Variants in NUP153 observed in about 807,000 individuals in gnomAD.
NUP153 encodes the protein nucleoporin 153.
A neutral mutation model predicts 134.6 loss-of-function variants in NUP153; 27 were observed. That is an observed-to-expected ratio of 0.20 (90% CI 0.15 to 0.28). The LOEUF (loss-of-function observed/expected upper bound fraction) is 0.28. Among genes scored for constraint, NUP153 ranks in the 10% least tolerant of loss-of-function variants. NUP153 has a pLI of 1.00. For missense variants in NUP153, 1,821 were observed against 1,731.3 expected (o/e 1.05, Z -0.92); for synonymous variants, 640 against 623.5 (o/e 1.03, Z -0.40).
At chr6:17,620,307 TG>T (rs747019985) in intron 20 of NUP153, among the ~76,000 whole-genome samples, 1 of 152,030 alleles carries the variant, frequency 6.6e-6, no homozygotes, top group Non-Finnish European at 1.5e-5. Context: ...CATAGACCAA[TG>T]GAATAGAATA....
intron 11 of NUP153, among the ~76,000 whole-genome samples, chr6:17,659,076 T>G (rs1424351849): frequency 6.6e-6 from 1 of 152,216 alleles, no homozygotes; most frequent in Non-Finnish European, 1.5e-5. Flanking sequence ...AATGGCACAC[T>G]GCACAACCAA....
At chr6:17,616,320 T>A in intron 21 of NUP153, 139 bp from the exon 22 acceptor site, 1 of 659,922 alleles carries the variant, frequency 1.5e-6, no homozygotes, top group Non-Finnish European at 2.6e-6. Context: ...ATACATTTTC[T>A]GCTACACCTA....
At chr6:17,637,107 C>A in intron 16 of NUP153, 46 bp downstream of exon 16, 2 of 1,536,074 alleles carry the variant, frequency 1.3e-6, no homozygotes, top group South Asian at 2.5e-5. Context: ...TTAAACTGTT[C>A]AACAGAAGTA....
At chr6:17,662,180 TTTAG>T (rs563744964) in intron 9 of NUP153, 110 bp from the exon 10 acceptor site, 23 of 971,772 alleles carry the variant, frequency 2.4e-5, no homozygotes, top group Non-Finnish European at 3.3e-5. Context: ...TTGATGGCTT[TTTAG>T]TTAATGAATC....
intron 5 of NUP153, among the ~76,000 whole-genome samples, chr6:17,671,999 T>G (rs1421323325): frequency 6.6e-6 from 1 of 151,402 alleles, no homozygotes; most frequent in Non-Finnish European, 1.5e-5. Flanking sequence ...CAGAGCAAGA[T>G]CCCATCTAAA....
chr6:17,675,794 A>G lies in NUP153; in HGVS notation c.335-24T>C, dbSNP rs1332596524. The G allele has an allele frequency of 6.2e-7, 1 of 1,605,056 alleles. No individual in the cohort carries two copies. Among genetic ancestry groups the G allele is most frequent in the Non-Finnish European group, 8.5e-7 (1 of 1,171,706 alleles). On this transcript the variant is annotated intron_variant, in intron 2 of 21. Coordinates refer to ENST00000262077, the MANE Select transcript of NUP153 (RefSeq NM_005124.4). The surrounding 1 kb of genome is among the most constrained non-coding windows in gnomAD (Gnocchi z 4.4). Reference sequence around the variant, plus strand: ...TTCTTAAAAGAAAAGCATTAATATTATGAATATACAACTTAGAGCGATACA... The same window carrying G: ...TTCTTAAAAGAAAAGCATTAATATTGTGAATATACAACTTAGAGCGATACA...
chr6:17,615,340 TAAAC>T lies in NUP153; in HGVS notation c.*753_*756del, dbSNP rs1244626153. ...TACATAATAAAATCTGAGACAAGAC[TAAAC>T]AAACAACAAAAAAATCTCTAACACA... On this transcript the variant is annotated 3_prime_UTR_variant, in exon 22 of 22. Coordinates refer to ENST00000262077, the MANE Select transcript of NUP153 (RefSeq NM_005124.4). This position sits in a 1 kb window ranked among gnomAD's most constrained non-coding sequence, Gnocchi z 5.7. 6.6e-5 allele frequency: 10 copies of T among 152,358 alleles called. No individual in the cohort carries two copies. Among genetic ancestry groups the T allele is most frequent in the Admixed American group, 1.3e-4 (2 of 15,250 alleles). 9.4% of individuals were successfully genotyped at this position (152,358 alleles called of 1,614,324 possible). A position where few individuals can be genotyped will look rare whatever the true frequency, so the allele number is the denominator to read the frequency against.
Position 17,616,036 on chromosome 6 carries a change from C to A in NUP153, c.*61G>T. ...AGATAACCCCAGCACAAAGTACAAT[C>A]CAGTATCTGAAAGCAGGGCACCAGC... On this transcript the variant is annotated 3_prime_UTR_variant, in exon 22 of 22. Coordinates refer to ENST00000262077, the MANE Select transcript of NUP153 (RefSeq NM_005124.4). 1 of 1,180,630 alleles carries A rather than the reference C, an allele frequency of 8.5e-7. No homozygotes were observed. The highest frequency in any genetic ancestry group is 1.2e-5 in the South Asian group (1 of 81,980). 73.1% of individuals were successfully genotyped at this position (1,180,630 alleles called of 1,614,324 possible).
rs1767812007 is a variant in NUP153 at position 17,670,155 on chromosome 6, C to G, written c.853-609G>C. On this transcript the variant is annotated intron_variant, in intron 5 of 21. Coordinates refer to ENST00000262077, the MANE Select transcript of NUP153 (RefSeq NM_005124.4). ...GCTAGCTTAAGCTTTAGAAAAAGCT[C>G]TCTACATACTTACACCATTCTGTTA... is the stretch of plus-strand genomic sequence containing the variant. 2.0e-5 allele frequency among the ~76,000 whole-genome samples: 3 copies of G among 149,704 alleles called. No individual in the cohort carries two copies. In the South Asian group the frequency reaches 6.4e-4, roughly 32 times the overall value.
intron 5 of NUP153, among the ~76,000 whole-genome samples, chr6:17,673,309 G>A (rs1206510626): frequency 6.6e-5 from 10 of 151,950 alleles, no homozygotes; most frequent in South Asian, 4.1e-4. Flanking sequence ...TGGAGGGTGC[G>A]CCACTGCACT....
intron 20 of NUP153, among the ~76,000 whole-genome samples, chr6:17,622,772 T>C (rs767578345): frequency 6.6e-6 from 1 of 152,156 alleles, no homozygotes; most frequent in Non-Finnish European, 1.5e-5. Flanking sequence ...GTATACCATA[T>C]GGCTCAGCAA....
intron 2 of NUP153, among the ~76,000 whole-genome samples, chr6:17,687,842 C>T (rs569338016): frequency 6.6e-6 from 1 of 152,054 alleles, no homozygotes; most frequent in Non-Finnish European, 1.5e-5. Flanking sequence ...TGGCTGGGCA[C>T]GGTGGCTCAC....
rs768838380 is a variant in NUP153, at chr6:17,637,374, G to A, written c.2243C>T (p.Pro748Leu). The change falls in exon 16 of 22, where the codon CCG becomes CTG. Residue 748 changes from proline (P) to leucine (L), a missense_variant. Physicochemically the swap from Pro to Leu is moderately conservative, Grantham distance 98. Coordinates refer to ENST00000262077, the MANE Select transcript of NUP153 (RefSeq NM_005124.4). Reference sequence around the variant, plus strand: ...TCGCTTCACACAAGTTCCAGGTTTCGGTGTTTCACAGGCTACACATTTTAT... The same window carrying A: ...TCGCTTCACACAAGTTCCAGGTTTCAGTGTTTCACAGGCTACACATTTTAT... Reference protein sequence around the residue: ...EAIKCVACETPKPGTCVKRAL... With the variant: ...EAIKCVACETLKPGTCVKRAL... The A allele has an allele frequency of 1.2e-6, 2 of 1,614,174 alleles. No homozygotes were observed. The highest frequency in any genetic ancestry group is 1.7e-5 in the Admixed American group (1 of 60,016).
In NUP153 at chr6:17,624,810, C is replaced by G. The variant is rs1315612012; in HGVS notation, c.3925G>C (p.Gly1309Arg). ...SAGSSFVFGT[G>R]PSAPSASPAF... Reference sequence around the variant, plus strand: ...GGACTGGCAGATGGTGCTGAGGGTCCAGTTCCAAATACAAAGGAGGATCCT... The same window carrying G: ...GGACTGGCAGATGGTGCTGAGGGTCGAGTTCCAAATACAAAGGAGGATCCT... Residue 1309 changes from glycine (G) to arginine (R), a missense_variant, in exon 20 of 22, where the codon GGA becomes CGA. Gly to Arg is a moderately radical substitution (Grantham distance 125). Coordinates refer to ENST00000262077, the MANE Select transcript of NUP153 (RefSeq NM_005124.4). The G allele has an allele frequency of 3.7e-6, 6 of 1,610,398 alleles. No individual in the cohort carries two copies. Among genetic ancestry groups the G allele is most frequent in the Non-Finnish European group, 5.1e-6 (6 of 1,177,756 alleles).
chr6:17,676,446 G>A (rs1768227133), intron 2 of NUP153, among the ~76,000 whole-genome samples: 1 of 136,866 alleles, frequency 7.3e-6, no homozygotes, highest in Admixed American at 7.5e-5. Context: ...AGAATTTAAT[G>A]CGTGTTGAAG....
rs1322389255 is a variant in NUP153 at position 17,662,127 on chromosome 6, ACCACCTTG to A, written c.1216-65_1216-58del. ...GCTTATTTGTTGTAATTTTCTTAGT[ACCACCTTG>A]CTTCCTATTAATTTTAATATTTAGA... On this transcript the variant is annotated intron_variant, in intron 9 of 21. Coordinates refer to ENST00000262077, the MANE Select transcript of NUP153 (RefSeq NM_005124.4). 4.8e-6 allele frequency: 7 copies of A among 1,459,540 alleles called. No individual in the cohort carries two copies. In the African/African-American group the frequency reaches 9.8e-5, roughly 20 times the overall value. 90.4% of individuals were successfully genotyped at this position (1,459,540 alleles called of 1,614,324 possible). A position where few individuals can be genotyped will look rare whatever the true frequency, so the allele number is the denominator to read the frequency against.
In NUP153 at chr6:17,675,906, C is replaced by T; in HGVS notation, c.335-136G>A. On this transcript the variant is annotated intron_variant, in intron 2 of 21. Transcript: ENST00000262077. This position sits in a 1 kb window ranked among gnomAD's most constrained non-coding sequence, Gnocchi z 4.4. ...ATCACTGGGGCATCCCATAATAAGC[C>T]CAATATAACATACTCCTAGGCAAAA... The T allele has an allele frequency of 1.3e-6, 1 of 787,162 alleles. No homozygotes were observed. The allele number at this position is 787,162 out of a possible 1,614,324, so 48.8% of individuals were successfully genotyped here.
In NUP153 at chr6:17,680,117, C is replaced by T. The variant is rs1181626061; in HGVS notation, c.335-4347G>A. On this transcript the variant is annotated intron_variant, in intron 2 of 21. Coordinates refer to ENST00000262077, the MANE Select transcript of NUP153 (RefSeq NM_005124.4). This position sits in a 1 kb window ranked among gnomAD's most constrained non-coding sequence, Gnocchi z 4.5. ...GGAAGCCAGGAAGAGGATCCTTGAG[C>T]CTCACCTCCACTGTTTCCCTTGCGC... Among the ~76,000 whole-genome samples, 1 of 152,164 alleles carries T rather than the reference C, an allele frequency of 6.6e-6. No homozygotes were observed. Among genetic ancestry groups the T allele is most frequent in the Non-Finnish European group, 1.5e-5 (1 of 68,032 alleles).
chr6:17,642,370 A>G (rs1005356703), intron 14 of NUP153, among the ~76,000 whole-genome samples: 1 of 143,162 alleles, frequency 7.0e-6, no homozygotes, highest in African/African-American at 2.5e-5. Context: ...ATAACTCAGT[A>G]ACAAAAAGAC....
Sources: gnomAD v4.1 joint callset for allele counts (sites outside exome capture counted in the v4.1 genomes callset) on GRCh38, gnomAD v4.1.1 for gene constraint, Gnocchi (gnomAD v3.1) non-coding constraint, MANE v1.5 for transcripts, NCBI Gene and HGNC (gene_info 2026-07-23, HGNC 2026-07-21) for gene names.